The following ADGRA3 variants were observed in gnomAD, a reference collection of about 807,000 sequenced individuals.
The protein encoded by ADGRA3 is G-protein coupled receptor 125.
A neutral mutation model predicts 119.8 loss-of-function variants in ADGRA3; 56 were observed. The ratio of observed to expected loss-of-function variants is 0.47; its 90% CI spans 0.38 to 0.58. The LOEUF (loss-of-function observed/expected upper bound fraction) is 0.58. ADGRA3 is among the 20% of genes least tolerant of loss of function. ADGRA3 has a pLI of 0.00. For missense variants in ADGRA3, 1,516 were observed against 1,649.0 expected, an observed-to-expected ratio of 0.92 and a Z score of 1.40; for synonymous variants, 607 against 623.8, an observed-to-expected ratio of 0.97 and a Z score of 0.40.
At chr4:22,418,814 C>A (rs1391926046) in intron 12 of ADGRA3, among the ~76,000 whole-genome samples, 1 of 151,950 alleles carries the variant, frequency 6.6e-6, no homozygotes, top group Non-Finnish European at 1.5e-5. Flanking sequence ...AGGCACCAGG[C>A]CTTCAGGTGT....
chr4:22,470,821 C>T (rs1234181352), intron 2 of ADGRA3, among the ~76,000 whole-genome samples: 1 of 152,166 alleles, frequency 6.6e-6, no homozygotes, highest in African/African-American at 2.4e-5. Flanking sequence ...TGATGTCCAA[C>T]AAGGTGAGCT....
At chr4:22,448,660 T>C (rs1716913702) in intron 4 of ADGRA3, among the ~76,000 whole-genome samples, 1 of 152,174 alleles carries the variant, frequency 6.6e-6, no homozygotes, top group Non-Finnish European at 1.5e-5. Flanking sequence ...TGTAGCAACA[T>C]ATTCCTGGAT....
chr4:22,494,630 AT>A (rs1455341800), intron 1 of ADGRA3, among the ~76,000 whole-genome samples: 1 of 151,982 alleles, frequency 6.6e-6, no homozygotes, highest in Non-Finnish European at 1.5e-5. Flanking sequence ...ATTATCCTAA[AT>A]AAAACTACTA....
At chr4:22,457,373 T>A (rs1367853616) in intron 3 of ADGRA3, among the ~76,000 whole-genome samples, 2 of 152,164 alleles carry the variant, frequency 1.3e-5, no homozygotes, top group Non-Finnish European at 2.9e-5. Flanking sequence ...TAAGAACCCA[T>A]AAGAAAAACG....
At position 22,422,774 on chromosome 4, in the gene ADGRA3, T is replaced by A. The variant is rs536514110; in HGVS notation, c.1605+1417A>T. 5.9e-5 allele frequency among the ~76,000 whole-genome samples: 9 copies of A among 152,284 alleles called. No individual in the cohort carries two copies. In the East Asian group the frequency reaches 1.7e-3, roughly 29 times the overall value. The stretch of plus-strand genomic sequence containing the variant: ...AAGGGGGGAAGTTCTTTCAGCTGAT[T>A]AATAAGCATGGCTAAAGGATGAGAT... On this transcript the variant is annotated intron_variant, in intron 11 of 18. Coordinates refer to ENST00000334304, the MANE Select transcript of ADGRA3 (RefSeq NM_145290.4).
At chr4:22,450,205 A>T (rs1219451945) in intron 4 of ADGRA3, among the ~76,000 whole-genome samples, 1 of 152,104 alleles carries the variant, frequency 6.6e-6, no homozygotes, top group African/African-American at 2.4e-5. Context: ...CTCCTGTATC[A>T]CAATAAGCTC....
At chr4:22,481,317 A>G (rs1206689679) in intron 1 of ADGRA3, among the ~76,000 whole-genome samples, 1 of 152,200 alleles carries the variant, frequency 6.6e-6, no homozygotes, top group Non-Finnish European at 1.5e-5. Flanking sequence ...ATAAATTTTC[A>G]GTGCTTTCCT....
intron 1 of ADGRA3, among the ~76,000 whole-genome samples, chr4:22,487,223 A>G (rs1305569937): frequency 1.3e-5 from 2 of 152,192 alleles, no homozygotes; most frequent in African/African-American, 4.8e-5. Context: ...TTTTTAAATG[A>G]GCAAAATTTA....
At chr4:22,474,164 AATC>A (rs1374916860) in intron 1 of ADGRA3, among the ~76,000 whole-genome samples, 1 of 152,224 alleles carries the variant, frequency 6.6e-6, no homozygotes, top group Non-Finnish European at 1.5e-5. Context: ...TTATATAATT[AATC>A]ATATTATGCA....
At chr4:22,410,894 C>G (rs571169316) in intron 14 of ADGRA3, among the ~76,000 whole-genome samples, 163 of 152,146 alleles carry the variant, frequency 1.1e-3, no homozygotes, top group Middle Eastern at 6.8e-3. Context: ...GAAAAAAAAT[C>G]TTAGTACTAC....
At chr4:22,411,109 G>A (rs1012069832) in intron 14 of ADGRA3, among the ~76,000 whole-genome samples, 3 of 152,204 alleles carry the variant, frequency 2.0e-5, no homozygotes, top group Admixed American at 2.0e-4. Flanking sequence ...ATATCACAGC[G>A]AAGGCTTATA....
rs1443710183 is a variant in ADGRA3, at chr4:22,444,625, C to T, written c.706+348G>A. Among the ~76,000 whole-genome samples, 4 of 152,110 alleles carry T rather than the reference C, an allele frequency of 2.6e-5. No homozygotes were observed. In the South Asian group the frequency reaches 8.3e-4, roughly 32 times the overall value. ...TCAAAAAGGCTGTATCGTTCACATT[C>T]CCACCCACACACAGGATGTGGGCAT... On this transcript the variant is annotated intron_variant, in intron 6 of 18. Transcript: ENST00000334304.
chr4:22,458,350 G>C (rs1391124413), intron 3 of ADGRA3, among the ~76,000 whole-genome samples: 1 of 152,114 alleles, frequency 6.6e-6, no homozygotes, highest in Non-Finnish European at 1.5e-5. Context: ...GCCTGTTTAC[G>C]GTCATGCTCC....
chr4:22,428,375 T>C (rs1168018763), intron 10 of ADGRA3, among the ~76,000 whole-genome samples: 1 of 151,576 alleles, frequency 6.6e-6, no homozygotes, highest in Non-Finnish European at 1.5e-5. Context: ...AAGACAAATA[T>C]CTTCACATAC....
chr4:22,475,507 T>C (rs999977824), intron 1 of ADGRA3, among the ~76,000 whole-genome samples: 8 of 151,984 alleles, frequency 5.3e-5, no homozygotes, highest in East Asian at 1.9e-4. Context: ...GCGGGTGGAT[T>C]ATGAGGTCAG....
chr4:22,392,316 G>A (rs1481596831), intron 17 of ADGRA3, among the ~76,000 whole-genome samples: 1 of 152,170 alleles, frequency 6.6e-6, no homozygotes. Flanking sequence ...TCGAGGATGG[G>A]AGAATCAGCC....
intron 4 of ADGRA3, among the ~76,000 whole-genome samples, chr4:22,454,345 A>G (rs1717169093): frequency 6.6e-6 from 1 of 152,180 alleles, no homozygotes; most frequent in South Asian, 2.1e-4. Flanking sequence ...AAAGTTCAGA[A>G]AAGTCAAACA....
chr4:22,475,983 A>G (rs1718030169), intron 1 of ADGRA3, among the ~76,000 whole-genome samples: 1 of 152,166 alleles, frequency 6.6e-6, no homozygotes, highest in South Asian at 2.1e-4. Context: ...TTACAATCCA[A>G]GTATATTACT....
At chr4:22,484,561 C>T (rs1241270199) in intron 1 of ADGRA3, among the ~76,000 whole-genome samples, 1 of 150,728 alleles carries the variant, frequency 6.6e-6, no homozygotes, top group East Asian at 1.9e-4. Context: ...GCTGAGATCA[C>T]GCCACTGCAC....
Sources: allele counts gnomAD v4.1 joint callset (sites outside exome capture counted in the v4.1 genomes callset), GRCh38; gene constraint gnomAD v4.1.1; transcripts MANE v1.5; gene names NCBI Gene and HGNC (gene_info 2026-07-23, HGNC 2026-07-21).